Variants in POU6F2 observed in about 807,000 individuals in gnomAD.
The protein encoded by POU6F2 is POU class 6 homeobox 2.
A neutral mutation model predicts 71.3 loss-of-function variants in POU6F2; 31 were observed. The ratio of observed to expected loss-of-function variants is 0.43; its 90% CI spans 0.33 to 0.59. POU6F2 has a LOEUF of 0.59. Among genes scored for constraint, POU6F2 ranks in the 20% least tolerant of loss-of-function variants. POU6F2 has a pLI of 0.04. For missense variants in POU6F2, 783 were observed against 856.8 expected, an observed-to-expected ratio of 0.91 and a Z score of 1.07; for synonymous variants, 347 against 355.7, an observed-to-expected ratio of 0.98 and a Z score of 0.27.
chr7:39,087,346 T>C (rs1791275238), intron 2 of POU6F2, among the ~76,000 whole-genome samples: 1 of 152,060 alleles, frequency 6.6e-6, no homozygotes. Flanking sequence ...AGATCTTCTC[T>C]GGGTACAATA....
intron 2 of POU6F2, among the ~76,000 whole-genome samples, chr7:39,171,142 T>C (rs1793212435): frequency 6.6e-6 from 1 of 151,726 alleles, no homozygotes; most frequent in African/African-American, 2.4e-5. Flanking sequence ...TCATCTAGGT[T>C]TTAAGCCCTG....
At chr7:39,327,278 CAA>C (rs35085212) in intron 4 of POU6F2, among the ~76,000 whole-genome samples, 6 of 122,284 alleles carry the variant, frequency 4.9e-5, no homozygotes, top group African/African-American at 8.9e-5. Flanking sequence ...GACTCTGTCT[CAA>C]AAAAAAAAAA....
In POU6F2 at chr7:39,420,647, A is replaced by T. The variant is rs75377556; in HGVS notation, c.1114-12430A>T. 6.2e-3 allele frequency among the ~76,000 whole-genome samples: 947 copies of T among 152,294 alleles called. 5 individuals are homozygous for T. Among genetic ancestry groups the T allele is most frequent in the African/African-American group, 0.021 (885 of 41,570 alleles). On this transcript the variant is annotated intron_variant, in intron 6 of 9. Transcript: ENST00000518318. Reference sequence around the variant, plus strand: ...TTAGCAAAGTTAAATAGATTTTTTTAAATTCTGAGTTATGGATTAAGTTAA... The same window carrying T: ...TTAGCAAAGTTAAATAGATTTTTTTTAATTCTGAGTTATGGATTAAGTTAA...
intron 2 of POU6F2, among the ~76,000 whole-genome samples, chr7:39,114,426 A>G (rs2128726275): frequency 6.6e-6 from 1 of 152,298 alleles, no homozygotes; most frequent in East Asian, 1.9e-4. Flanking sequence ...AGTGAAGATT[A>G]TTTTAATAGG....
intron 4 of POU6F2, among the ~76,000 whole-genome samples, chr7:39,333,991 G>A (rs1252009592): frequency 6.6e-6 from 1 of 152,164 alleles, no homozygotes; most frequent in Admixed American, 6.5e-5. Context: ...ATTTGAGATA[G>A]GCTGCTAGAG....
chr7:39,323,018 CCAAT>C (rs1235824431), intron 4 of POU6F2, among the ~76,000 whole-genome samples: 2 of 151,860 alleles, frequency 1.3e-5, no homozygotes, highest in Admixed American at 1.3e-4. Flanking sequence ...CATCAAGTGG[CCAAT>C]CAAATTACAG....
At chr7:39,241,371 A>G (rs1422392769) in intron 4 of POU6F2, among the ~76,000 whole-genome samples, 1 of 152,202 alleles carries the variant, frequency 6.6e-6, no homozygotes, top group African/African-American at 2.4e-5. Context: ...AATGGCATCA[A>G]GATAAAAAGT....
chr7:39,207,491 G>A lies in POU6F2; in HGVS notation c.469G>A (p.Ala157Thr). The A allele has an allele frequency of 6.2e-7, 1 of 1,613,960 alleles. No homozygotes were observed. The highest frequency in any genetic ancestry group is 8.5e-7 in the Non-Finnish European group (1 of 1,179,882). ...GCCAATCCTCATTCCCTTCAACATG[G>A]CGGGACAGCTAGGAGGCCAGCAAGG... ...NQPILIPFNM[A>T]GQLGGQQGLV... The change falls in exon 4 of 10, where the codon GCG becomes ACG. Residue 157 changes from alanine (A) to threonine (T), a missense_variant. Physicochemically the swap from Ala to Thr is moderately conservative, Grantham distance 58 (BLOSUM62 0). Transcript: ENST00000518318.
chr7:39,443,536 G>A (rs1311911680), intron 7 of POU6F2, among the ~76,000 whole-genome samples: 1 of 152,156 alleles, frequency 6.6e-6, no homozygotes, highest in African/African-American at 2.4e-5. Flanking sequence ...CCAGGGAAAT[G>A]GTAGAAATGA....
intron 1 of POU6F2, among the ~76,000 whole-genome samples, chr7:39,012,850 C>G (rs551734285): frequency 3.3e-5 from 5 of 152,192 alleles, no homozygotes; most frequent in East Asian, 3.9e-4. Context: ...GGTCAGGGGT[C>G]AGGGACCCAC....
chr7:39,062,237 T>TA (rs143965898), intron 1 of POU6F2, among the ~76,000 whole-genome samples: 7,504 of 152,108 alleles, frequency 0.049, 230 homozygotes, highest in Non-Finnish European at 0.067. Context: ...TCAGTACTGT[T>TA]AAAAAAATAC....
At chr7:39,112,543 T>G (rs1791838540) in intron 2 of POU6F2, among the ~76,000 whole-genome samples, 1 of 152,162 alleles carries the variant, frequency 6.6e-6, no homozygotes, top group African/African-American at 2.4e-5. Flanking sequence ...AACTGCTGTT[T>G]AAACTGAGTT....
At chr7:39,127,634 G>A (rs945565013) in intron 2 of POU6F2, among the ~76,000 whole-genome samples, 5 of 152,016 alleles carry the variant, frequency 3.3e-5, no homozygotes, top group African/African-American at 1.2e-4. Context: ...CTAGATTAGC[G>A]GGGGCTGACA....
In POU6F2 at chr7:39,134,087, G is replaced by A. The variant is rs536369398; in HGVS notation, c.277+48056G>A. Among the ~76,000 whole-genome samples the A allele has an allele frequency of 1.4e-3, 209 of 151,924 alleles. 1 individual carries two copies. Among genetic ancestry groups the A allele is most frequent in the Non-Finnish European group, 2.3e-3 (159 of 67,964 alleles). ...TAGAGTTTCACTATATTGCTCTCAG[G>A]CTGGTTTCAAACTCCTGGGCTCCAG... On this transcript the variant is annotated intron_variant, in intron 2 of 9. Transcript: ENST00000518318.
chr7:39,035,082 G>A (rs1028537611), intron 1 of POU6F2, among the ~76,000 whole-genome samples: 1 of 151,138 alleles, frequency 6.6e-6, no homozygotes, highest in Non-Finnish European at 1.5e-5. Flanking sequence ...ATATATGTGT[G>A]TATATATATT....
intron 2 of POU6F2, among the ~76,000 whole-genome samples, chr7:39,088,628 C>A (rs1037244119): frequency 6.6e-6 from 1 of 152,092 alleles, no homozygotes; most frequent in South Asian, 2.1e-4. Context: ...TATATATACA[C>A]CGTATTATTG....
intron 6 of POU6F2, among the ~76,000 whole-genome samples, chr7:39,415,372 A>T (rs1787650618): frequency 6.6e-6 from 1 of 152,172 alleles, no homozygotes; most frequent in Non-Finnish European, 1.5e-5. Flanking sequence ...GGGAATTGGG[A>T]AACGTTTTCT....
At chr7:39,015,751 T>C (rs1196954679) in intron 1 of POU6F2, among the ~76,000 whole-genome samples, 1 of 99,790 alleles carries the variant, frequency 1.0e-5, no homozygotes, top group Non-Finnish European at 1.7e-5. Context: ...ATATTATATA[T>C]TATATATAGA....
rs540748429 is a variant in POU6F2 at position 39,150,948 on chromosome 7, A to G, written c.278-53287A>G. ...ATGTTGAGCGCCTTTATATGAGGTT[A>G]TTTATAGAATTGAAGAAAGATTCCT... On this transcript the variant is annotated intron_variant, in intron 2 of 9. Transcript: ENST00000518318. 3.9e-5 allele frequency among the ~76,000 whole-genome samples: 6 copies of G among 152,090 alleles called. No individual in the cohort carries two copies. The South Asian group carries it at 1.2e-3, about 32-fold the overall frequency.
Sources: allele counts gnomAD v4.1 joint callset (sites outside exome capture counted in the v4.1 genomes callset), GRCh38; gene constraint gnomAD v4.1.1; transcripts MANE v1.5; gene names NCBI Gene and HGNC (gene_info 2026-07-23, HGNC 2026-07-21).